The following CRTC3 variants were observed in gnomAD, a reference collection of about 807,000 sequenced individuals.
The protein encoded by CRTC3 is CREB regulated transcription coactivator 3, also known as CREB-regulated transcription coactivator 3.
CRTC3 carries 26 observed loss-of-function variants against 74.5 expected under a neutral mutation model. The observed-to-expected ratio is 0.35, with a 90% CI of 0.26 to 0.48. The LOEUF (loss-of-function observed/expected upper bound fraction) is 0.48. Among genes scored for constraint, CRTC3 ranks in the 20% least tolerant of loss-of-function variants. CRTC3 has a pLI of 0.99. For missense variants in CRTC3, 760 were observed against 787.3 expected, an observed-to-expected ratio of 0.97 and a Z score of 0.41; for synonymous variants, 377 against 325.8, an observed-to-expected ratio of 1.16 and a Z score of -1.69.
At chr15:90,626,571 C>G (rs1968841325) in intron 10 of CRTC3, among the ~76,000 whole-genome samples, 1 of 151,570 alleles carries the variant, frequency 6.6e-6, no homozygotes, top group South Asian at 2.1e-4. Context: ...AGCTCAGACC[C>G]CATATTGAAA....
chr15:90,537,867 G>T (rs1411013664), intron 1 of CRTC3, among the ~76,000 whole-genome samples: 1 of 152,210 alleles, frequency 6.6e-6, no homozygotes, highest in Admixed American at 6.5e-5. Flanking sequence ...GGGTTTCACC[G>T]TGTTGGCCAG....
At chr15:90,633,811 G>GT (rs1428117625) in intron 11 of CRTC3, among the ~76,000 whole-genome samples, 2 of 151,016 alleles carry the variant, frequency 1.3e-5, no homozygotes, top group African/African-American at 4.9e-5. Flanking sequence ...TTCCTTGTTT[G>GT]TTTGTTTTGC....
Position 90,644,327 on chromosome 15 carries a change from A to T in CRTC3, c.*2187A>T, listed in dbSNP as rs1344746087. ...GGCTTCCAAACCTGATCTCACTCTC[A>T]ACAGGCGATGGTGCTGATGTTTCAA... On this transcript the variant is annotated 3_prime_UTR_variant, in exon 15 of 15. Transcript: ENST00000268184. 8.7e-6 allele frequency: 2 copies of T among 230,136 alleles called. No individual in the cohort carries two copies. The highest frequency in any genetic ancestry group is 6.2e-5 in the East Asian group (1 of 16,210). 14.3% of individuals were successfully genotyped at this position (230,136 alleles called of 1,614,324 possible).
chr15:90,607,484 A>G lies in CRTC3; in HGVS notation c.577+6A>G. Reference sequence around the variant, plus strand: ...CTGGCCTGCCCCATACATGGGTAAGACACACAGGCCACTGCTGACAGCAGC... The same window carrying G: ...CTGGCCTGCCCCATACATGGGTAAGGCACACAGGCCACTGCTGACAGCAGC... On this transcript the variant is annotated splice_donor_region_variant and intron_variant, in intron 6 of 14. Coordinates refer to ENST00000268184, the MANE Select transcript of CRTC3 (RefSeq NM_022769.5). 1 of 1,542,026 alleles carries G rather than the reference A, an allele frequency of 6.5e-7. No individual in the cohort carries two copies. The highest frequency in any genetic ancestry group is 9.0e-7 in the Non-Finnish European group (1 of 1,116,810).
intron 9 of CRTC3, among the ~76,000 whole-genome samples, chr15:90,621,348 A>ATC (rs1968645909): frequency 6.6e-6 from 1 of 151,702 alleles, no homozygotes; most frequent in Non-Finnish European, 1.5e-5. Context: ...TTTGAGATGG[A>ATC]GTATCGCTCT....
intron 4 of CRTC3, among the ~76,000 whole-genome samples, chr15:90,602,713 T>C (rs984852944): frequency 2.6e-5 from 4 of 152,082 alleles, no homozygotes; most frequent in South Asian, 2.1e-4. Flanking sequence ...TGGTGGCTCA[T>C]GCCTGTAATC....
chr15:90,555,321 C>T (rs1596080108), intron 2 of CRTC3, among the ~76,000 whole-genome samples: 1 of 152,164 alleles, frequency 6.6e-6, no homozygotes, highest in Non-Finnish European at 1.5e-5. Flanking sequence ...TAAGCAGCTA[C>T]TGTAACTTGC....
Position 90,641,993 on chromosome 15 carries a change from C to T in CRTC3, c.1713C>T (p.Val571=), listed in dbSNP as rs1969463501. 2 of 1,613,734 alleles carry T rather than the reference C, an allele frequency of 1.2e-6. No homozygotes were observed. Among genetic ancestry groups the T allele is most frequent in the Non-Finnish European group, 8.5e-7 (1 of 1,179,992 alleles). Residue 571 remains valine (V), a synonymous_variant, in exon 15 of 15, where the codon GTC becomes GTT. Transcript: ENST00000268184. ...LNSALAGLPE[V]SLNVDTPFPL... ...GTGCGCTGGCAGGCCTGCCTGAGGTCAGCCTGAACGTGGACACTCCATTTC... is the reference window on the plus strand; with the variant it reads ...GTGCGCTGGCAGGCCTGCCTGAGGTTAGCCTGAACGTGGACACTCCATTTC...
intron 2 of CRTC3, among the ~76,000 whole-genome samples, chr15:90,556,464 A>T (rs1966892325): frequency 6.6e-6 from 1 of 152,200 alleles, no homozygotes; most frequent in African/African-American, 2.4e-5. Context: ...GCTTTTTCAG[A>T]TCTGACGTTC....
Position 90,642,565 on chromosome 15 carries a change from G to T in CRTC3, c.*425G>T. On this transcript the variant is annotated 3_prime_UTR_variant, in exon 15 of 15. Coordinates refer to ENST00000268184, the MANE Select transcript of CRTC3 (RefSeq NM_022769.5). The stretch of plus-strand genomic sequence containing the variant: ...CGGAGTGGGAGGCTCGGCCTGGGGC[G>T]GCGGCACCGGAGAGGGCACCTCGAT... 1 of 314,990 alleles carries T rather than the reference G, an allele frequency of 3.2e-6. No individual in the cohort carries two copies. Among genetic ancestry groups the T allele is most frequent in the Non-Finnish European group, 6.0e-6 (1 of 167,494 alleles). 19.5% of individuals were successfully genotyped at this position (314,990 alleles called of 1,614,324 possible).
chr15:90,586,465 C>T (rs1386803962), intron 2 of CRTC3, among the ~76,000 whole-genome samples: 3 of 145,284 alleles, frequency 2.1e-5, no homozygotes, highest in Non-Finnish European at 3.0e-5. Context: ...CCCCTGGGTT[C>T]GAGCAATTCT....
intron 10 of CRTC3, among the ~76,000 whole-genome samples, chr15:90,628,611 A>T (rs1183694049): frequency 6.6e-6 from 1 of 152,158 alleles, no homozygotes; most frequent in Non-Finnish European, 1.5e-5. Context: ...CCTGTCCCCC[A>T]AATAAAGCAC....
In CRTC3 at chr15:90,617,085, A is replaced by G. The variant is rs568010586; in HGVS notation, c.614-798A>G. 5.3e-5 allele frequency among the ~76,000 whole-genome samples: 8 copies of G among 151,546 alleles called. 1 individual carries two copies. The highest frequency in any genetic ancestry group is 1.9e-4 in the African/African-American group (8 of 41,244). ...CATTTTACTTCCTACCATCCCCTTG[A>G]CTCAGCCTACACTCCAGTTGAAAAG... On this transcript the variant is annotated intron_variant, in intron 7 of 14. Transcript: ENST00000268184.
At chr15:90,622,247 C>T (rs1489897755) in intron 9 of CRTC3, among the ~76,000 whole-genome samples, 3 of 152,100 alleles carry the variant, frequency 2.0e-5, no homozygotes, top group South Asian at 4.1e-4. Flanking sequence ...GTGGTGACTC[C>T]GTTAGGTAGT....
At chr15:90,532,813 G>A (rs1966648862) in intron 1 of CRTC3, among the ~76,000 whole-genome samples, 1 of 152,174 alleles carries the variant, frequency 6.6e-6, no homozygotes. Flanking sequence ...GGGGTCGGGC[G>A]TGGTGGTTCA....
At chr15:90,548,876 A>G (rs1966849153) in intron 2 of CRTC3, among the ~76,000 whole-genome samples, 1 of 152,252 alleles carries the variant, frequency 6.6e-6, no homozygotes, top group African/African-American at 2.4e-5. Context: ...AATATTCAAA[A>G]TAAAGATAAT....
At chr15:90,623,067 C>T (rs973017854) in intron 9 of CRTC3, among the ~76,000 whole-genome samples, 1 of 152,234 alleles carries the variant, frequency 6.6e-6, no homozygotes, top group East Asian at 1.9e-4. Context: ...ATTCCCCCGT[C>T]ACCACCCTTC....
intron 9 of CRTC3, chr15:90,620,095 G>A (rs909457648): frequency 9.2e-5 from 29 of 316,870 alleles, no homozygotes; most frequent in African/African-American, 6.5e-4. Context: ...GAAACGTGCA[G>A]GAATCGAGAG....
chr15:90,633,766 C>CTCTCTCTCCTCTTTTGCTTATCCTTATT (rs1567195374), intron 11 of CRTC3, among the ~76,000 whole-genome samples: 2 of 151,942 alleles, frequency 1.3e-5, no homozygotes. Context: ...TTATCCTTAT[C>CTCTCTCTCCTCTTTTGCTTATCCTTATT]TTCTCTCTCT....
Sources: gnomAD v4.1 joint callset for allele counts (sites outside exome capture counted in the v4.1 genomes callset) on GRCh38, gnomAD v4.1.1 for gene constraint, MANE v1.5 for transcripts, NCBI Gene and HGNC (gene_info 2026-07-23, HGNC 2026-07-21) for gene names.